GAST: variants seen among roughly 807,000 people sequenced by gnomAD.
GAST encodes the protein gastrin.
A neutral mutation model predicts 12.5 loss-of-function variants in GAST; 9 were observed. The observed-to-expected ratio is 0.72, with a 90% confidence interval of 0.43 to 1.25. The LOEUF (loss-of-function observed/expected upper bound fraction) is 1.25, where lower values mean the gene tolerates loss of function less well. Among genes scored for constraint, GAST ranks in the 50% most tolerant of loss-of-function variants. GAST has a pLI of 0.00. For missense variants in GAST, 121 were observed against 127.7 expected (o/e 0.95, Z 0.25); for synonymous variants, 52 against 51.1 (o/e 1.02, Z -0.08).
At chr17:41,715,282 A>G in intron 1 of GAST, 150 bp from the exon 2 acceptor site, 1 of 638,128 alleles carries the variant, frequency 1.6e-6, no homozygotes, top group Non-Finnish European at 2.7e-6. Context: ...CCTGGGCAAC[A>G]AGAGTGAAAC....
chr17:41,714,626 T>G (rs1258837273), intron 1 of GAST, among the ~76,000 whole-genome samples: 1 of 151,096 alleles, frequency 6.6e-6, no homozygotes, highest in Non-Finnish European at 1.5e-5. Flanking sequence ...ACAAAAAAAA[T>G]TAGCTGGACG....
At position 41,715,449 on chromosome 17, in the gene GAST, T is replaced by C. The variant is rs782386796; in HGVS notation, c.13T>C (p.Cys5Arg). Residue 5 changes from cysteine (C) to arginine (R), a missense_variant, in exon 2 of 3, where the codon TGT (cysteine) becomes CGT (arginine). By Grantham distance (180) the Cys-to-Arg change is radical. Transcript: ENST00000329402. MQRLCVYVLIFALAL... is the reference protein window; with the variant it reads MQRLRVYVLIFALAL... ...CTTTGCAGACGAGATGCAGCGACTG[T>C]GTGTGTATGTGCTGATCTTTGCACT... 4 of 1,612,776 alleles carry C rather than the reference T, an allele frequency of 2.5e-6. No individual in the cohort carries two copies. The South Asian group carries it at 3.3e-5, about 13-fold the overall frequency.
chr17:41,713,229 TTTAA>T (rs1910895865), intron 1 of GAST, among the ~76,000 whole-genome samples: 1 of 152,188 alleles, frequency 6.6e-6, no homozygotes. Flanking sequence ...AATTTTTTAA[TTTAA>T]TTAATTTAAA....
Position 41,715,823 on chromosome 17 carries a change from C to G in GAST, c.257C>G (p.Ala86Gly). The G allele has an allele frequency of 1.2e-6, 2 of 1,612,546 alleles. No individual in the cohort carries two copies. Among genetic ancestry groups the G allele is most frequent in the Non-Finnish European group, 1.7e-6 (2 of 1,179,526 alleles). Residue 86 changes from alanine to glycine, a missense_variant, in exon 3 of 3, where the codon GCC (alanine) becomes GGC (glycine). By Grantham distance (60) the Ala-to-Gly change is moderately conservative (BLOSUM62 0). Coordinates refer to ENST00000329402, the MANE Select transcript of GAST (RefSeq NM_000805.5). ...QGPWLEEEEEAYGWMDFGRRS... is the reference protein window; with the variant it reads ...QGPWLEEEEEGYGWMDFGRRS... Reference sequence around the variant, plus strand: ...CCATGGCTGGAGGAAGAAGAAGAAGCCTATGGATGGATGGACTTCGGCCGC... The same window carrying G: ...CCATGGCTGGAGGAAGAAGAAGAAGGCTATGGATGGATGGACTTCGGCCGC...
chr17:41,715,413 T>C lies in GAST; in HGVS notation c.-5-19T>C. On this transcript the variant is annotated intron_variant, in intron 1 of 2. Coordinates refer to ENST00000329402, the MANE Select transcript of GAST (RefSeq NM_000805.5). ...GGGGACAGCCTCACCCTTAAGCTAG[T>C]CCCTTCTCCCCTTTGCAGACGAGAT... The C allele has an allele frequency of 6.3e-7, 1 of 1,595,720 alleles. No individual in the cohort carries two copies. The highest frequency in any genetic ancestry group is 8.6e-7 in the Non-Finnish European group (1 of 1,166,096).
chr17:41,715,785 CAAG>C lies in GAST; in HGVS notation c.223_225del (p.Lys75del), dbSNP rs782551470. ...CCTCTCTCACCTCCTCAGACCCGTC[CAAG>C]AAGCAGGGACCATGGCTGGAGGAAG... is the stretch of plus-strand genomic sequence containing the variant. On this transcript the variant is annotated inframe_deletion, in exon 3 of 3. Transcript: ENST00000329402. 6 of 1,608,244 alleles carry C rather than the reference CAAG, an allele frequency of 3.7e-6. No individual in the cohort carries two copies. Among genetic ancestry groups the C allele is most frequent in the Non-Finnish European group, 4.2e-6 (5 of 1,178,176 alleles).
At position 41,715,799 on chromosome 17, in the gene GAST, C is replaced by T; in HGVS notation, c.233C>T (p.Pro78Leu). 1 of 1,611,302 alleles carries T rather than the reference C, an allele frequency of 6.2e-7. No homozygotes were observed. Among genetic ancestry groups the T allele is most frequent in the Non-Finnish European group, 8.5e-7 (1 of 1,179,136 alleles). Residue 78 changes from proline (P) to leucine (L), a missense_variant, in exon 3 of 3, where the codon CCA becomes CTA. Pro to Leu is a moderately conservative substitution (Grantham distance 98). Transcript: ENST00000329402. ...LVADPSKKQGPWLEEEEEAYG... is the reference protein window; with the variant it reads ...LVADPSKKQGLWLEEEEEAYG... ...TCAGACCCGTCCAAGAAGCAGGGAC[C>T]ATGGCTGGAGGAAGAAGAAGAAGCC...
intron 1 of GAST, among the ~76,000 whole-genome samples, chr17:41,714,736 C>T (rs1555585600): frequency 6.6e-6 from 1 of 152,022 alleles, no homozygotes; most frequent in African/African-American, 2.4e-5. Flanking sequence ...GATTGCACTA[C>T]TGCACTGCAG....
At position 41,715,770 on chromosome 17, in the gene GAST, C is replaced by T. The variant is rs377220004; in HGVS notation, c.212-8C>T. ...CTTCCCCCATTCTCGCCTCTCTCAC[C>T]TCCTCAGACCCGTCCAAGAAGCAGG... On this transcript the variant is annotated splice_polypyrimidine_tract_variant and splice_region_variant and intron_variant, in intron 2 of 2. Transcript: ENST00000329402. 1.3e-5 allele frequency: 20 copies of T among 1,596,808 alleles called. No homozygotes were observed. The highest frequency in any genetic ancestry group is 1.7e-5 in the Non-Finnish European group (20 of 1,174,662).
At chr17:41,713,100 A>G (rs2143134547) in intron 1 of GAST, among the ~76,000 whole-genome samples, 1 of 152,242 alleles carries the variant, frequency 6.6e-6, no homozygotes, top group African/African-American at 2.4e-5. Context: ...TATTTTTGGT[A>G]GAGACAGAGT....
chr17:41,714,363 G>A (rs1379740418), intron 1 of GAST, among the ~76,000 whole-genome samples: 9 of 152,128 alleles, frequency 5.9e-5, no homozygotes, highest in Admixed American at 2.0e-4. Flanking sequence ...TGTAGAGATG[G>A]GGTTTCAGTA....
chr17:41,715,299 TAAA>T (rs11286851), intron 1 of GAST, 130 bp from the exon 2 acceptor site: 1,476 of 547,498 alleles, frequency 2.7e-3, no homozygotes, highest in Middle Eastern at 4.5e-3. Flanking sequence ...AAACTCTGTC[TAAA>T]AAAAAAAAAA....
At chr17:41,712,635 A>C (rs1910880996) in intron 1 of GAST, among the ~76,000 whole-genome samples, 1 of 150,958 alleles carries the variant, frequency 6.6e-6, no homozygotes, top group African/African-American at 2.4e-5. Flanking sequence ...ATCCCTTCAC[A>C]CTCTTCCCAG....
chr17:41,713,904 T>C (rs1247389198), intron 1 of GAST, among the ~76,000 whole-genome samples: 1 of 152,226 alleles, frequency 6.6e-6, no homozygotes, highest in Non-Finnish European at 1.5e-5. Context: ...AGTTTAGTTC[T>C]GTATTATGTT....
At chr17:41,712,563 G>A (rs1910879105) in intron 1 of GAST, among the ~76,000 whole-genome samples, 176 bp downstream of exon 1, 1 of 152,166 alleles carries the variant, frequency 6.6e-6, no homozygotes, top group Non-Finnish European at 1.5e-5. Context: ...TACCTACCCT[G>A]GTATTCCCAA....
chr17:41,714,284 C>A (rs1555585551), intron 1 of GAST, among the ~76,000 whole-genome samples: 1 of 152,110 alleles, frequency 6.6e-6, no homozygotes, highest in African/African-American at 2.4e-5. Context: ...GCGATCCTCC[C>A]ACCTCGGCCT....
chr17:41,715,714 C>A, intron 2 of GAST, 64 bp from the exon 3 acceptor site: 1 of 1,598,218 alleles, frequency 6.3e-7, no homozygotes, highest in Non-Finnish European at 8.5e-7. Context: ...CCCAGACTGG[C>A]TCTGACTTCA....
Position 41,715,940 on chromosome 17 carries a change from C to G in GAST, c.*68C>G. ...CACTCCAGCCCTGTCCCCTGAAAAA[C>G]TGATCAAAAATAAACTAGTTTCCAG... On this transcript the variant is annotated 3_prime_UTR_variant, in exon 3 of 3. Transcript: ENST00000329402. The G allele has an allele frequency of 7.8e-7, 1 of 1,273,992 alleles. No homozygotes were observed. The highest frequency in any genetic ancestry group is 1.1e-6 in the Non-Finnish European group (1 of 913,246). The allele number at this position is 1,273,992 out of a possible 1,614,324, so 78.9% of individuals were successfully genotyped here. A position where few individuals can be genotyped will look rare whatever the true frequency, so the allele number is the denominator to read the frequency against.
intron 1 of GAST, 53 bp downstream of exon 1, chr17:41,712,440 C>T (rs1910876175): frequency 6.6e-6 from 1 of 152,270 alleles, no homozygotes; most frequent in South Asian, 2.1e-4. Context: ...TTGACAGGTC[C>T]TCTCCCCCAT....
Sources: gnomAD v4.1 joint callset for allele counts (sites outside exome capture counted in the v4.1 genomes callset) on GRCh38, gnomAD v4.1.1 for gene constraint, MANE v1.5 for transcripts, NCBI Gene and HGNC (gene_info 2026-07-23, HGNC 2026-07-21) for gene names.